The following VPS13B variants were observed in gnomAD, a reference collection of about 807,000 sequenced individuals.
VPS13B encodes vacuolar protein sorting 13 homolog B.
Under a neutral mutation model 426.4 loss-of-function variants are expected in VPS13B, and 285 were observed. The observed-to-expected ratio is 0.67, with a 90% confidence interval of 0.61 to 0.74. The LOEUF is 0.74. Ranked by LOEUF, VPS13B falls within the 30% of genes least tolerant of loss-of-function variation. The pLI is 0.00. For missense variants in VPS13B, 4,537 were observed against 4,782.6 expected, an observed-to-expected ratio of 0.95 and a Z score of 1.51; for synonymous variants, 1,676 against 1,676.4, an observed-to-expected ratio of 1.00 and a Z score of 0.01.
rs370235149 is a variant in VPS13B, at chr8:99,832,341, A to AT, written c.9331-3dup. 93,174 of 1,165,152 alleles carry AT rather than the reference A, an allele frequency of 0.08. 350 individuals are homozygous for AT. The highest frequency in any genetic ancestry group is 0.085 in the Non-Finnish European group (77,079 of 909,310). 72.2% of individuals were successfully genotyped at this position (1,165,152 alleles called of 1,614,324 possible). A position where few individuals can be genotyped will look rare whatever the true frequency, so the allele number is the denominator to read the frequency against. ...TTACTGTAGCTAATGTGCTCTCTGC[A>AT]TTTTTTTTTTTTTTTTTTTTTTTTT... On this transcript the variant is annotated intron_variant, in intron 51 of 61. Coordinates refer to ENST00000357162, the MANE Select transcript of VPS13B (RefSeq NM_152564.5).
intron 16 of VPS13B, among the ~76,000 whole-genome samples, chr8:99,182,115 A>G (rs1342214476): frequency 6.6e-6 from 1 of 152,208 alleles, no homozygotes; most frequent in East Asian, 1.9e-4. Context: ...CCAAACTGAA[A>G]TAACCCTGGA....
At position 99,111,081 on chromosome 8, in the gene VPS13B, T is replaced by G. The variant is rs199785370; in HGVS notation, c.581-17T>G. 1.7e-5 allele frequency: 27 copies of G among 1,583,950 alleles called. No individual in the cohort carries two copies. The highest frequency in any genetic ancestry group is 2.3e-5 in the South Asian group (2 of 85,354). The stretch of plus-strand genomic sequence containing the variant: ...CTAATTTTCCTTTTTACTTAAAATG[T>G]TTTTTTTTCTTTTTAGCAACTGATT... On this transcript the variant is annotated splice_polypyrimidine_tract_variant and intron_variant, in intron 5 of 61. Coordinates refer to ENST00000357162, the MANE Select transcript of VPS13B (RefSeq NM_152564.5).
chr8:99,619,819 G>A (rs1828272971), intron 33 of VPS13B, among the ~76,000 whole-genome samples: 1 of 151,746 alleles, frequency 6.6e-6, no homozygotes, highest in East Asian at 1.9e-4. Context: ...TGTATGCAGT[G>A]TGCTGAGATT....
Position 99,166,679 on chromosome 8 carries a change from A to G in VPS13B, c.2209-3360A>G, listed in dbSNP as rs115405719. On this transcript the variant is annotated intron_variant, in intron 15 of 61. Coordinates refer to ENST00000357162, the MANE Select transcript of VPS13B (RefSeq NM_152564.5). ...CATTTTCAGTGCAGACTCTATTACA[A>G]TTCCAATGTCTTTTTTCAGAAGTAG... 1.5e-3 allele frequency among the ~76,000 whole-genome samples: 225 copies of G among 152,290 alleles called. 1 individual carries two copies. Among genetic ancestry groups the G allele is most frequent in the African/African-American group, 5.1e-3 (214 of 41,554 alleles).
chr8:99,415,758 A>G (rs1462756682), intron 21 of VPS13B, among the ~76,000 whole-genome samples: 3 of 152,190 alleles, frequency 2.0e-5, no homozygotes, highest in Non-Finnish European at 4.4e-5. Flanking sequence ...CAGAACAGCA[A>G]AGATTGCTGC....
intron 30 of VPS13B, among the ~76,000 whole-genome samples, chr8:99,522,477 C>A (rs6468691): frequency 0.17 from 26,493 of 151,768 alleles, 2,827 homozygotes; most frequent in East Asian, 0.38. Context: ...TTAGGGTTTC[C>A]TTCTGTCTGT....
rs181276677 is a variant in VPS13B, at chr8:99,744,883, A to G, written c.7051-21891A>G. 3.7e-3 allele frequency among the ~76,000 whole-genome samples: 568 copies of G among 152,252 alleles called. 4 individuals are homozygous for G. Among genetic ancestry groups the G allele is most frequent in the Non-Finnish European group, 5.7e-3 (387 of 68,010 alleles). On this transcript the variant is annotated intron_variant, in intron 39 of 61. Transcript: ENST00000357162. ...ACACCCAATGTTAAATGACGAGTTA[A>G]TGGGTGCAGCACACCAACATGGCAC...
chr8:99,063,453 G>C (rs917061250), intron 3 of VPS13B, among the ~76,000 whole-genome samples: 1 of 152,228 alleles, frequency 6.6e-6, no homozygotes. Flanking sequence ...CATGCCCACA[G>C]AGCCTTGCTC....
chr8:99,718,540 C>A (rs1019146067), intron 37 of VPS13B, among the ~76,000 whole-genome samples: 5 of 152,116 alleles, frequency 3.3e-5, no homozygotes, highest in African/African-American at 1.2e-4. Context: ...TTAATTTAAT[C>A]TTCATGTAAC....
Position 99,119,221 on chromosome 8 carries a change from A to G in VPS13B, c.938-1956A>G, listed in dbSNP as rs1213206356. ...ATTTAAAGCTTTTTTGTGTCTTTTA[A>G]AAATTTTATTTTACTTTATGTATTT... is the stretch of plus-strand genomic sequence containing the variant. On this transcript the variant is annotated intron_variant, in intron 7 of 61. Transcript: ENST00000357162. 2.0e-5 allele frequency: 3 copies of G among 152,014 alleles called. No homozygotes were observed. The South Asian group carries it at 6.2e-4, about 31-fold the overall frequency. The allele number at this position is 152,014 out of a possible 1,614,324, so 9.4% of individuals were successfully genotyped here.
chr8:99,509,920 A>T (rs908039846), intron 28 of VPS13B, among the ~76,000 whole-genome samples: 1 of 152,168 alleles, frequency 6.6e-6, no homozygotes, highest in Non-Finnish European at 1.5e-5. Context: ...CTCTTTTAAA[A>T]GCATGCTGTT....
intron 35 of VPS13B, among the ~76,000 whole-genome samples, chr8:99,678,570 T>C (rs1412016617): frequency 1.1e-5 from 1 of 91,072 alleles, no homozygotes; most frequent in African/African-American, 3.6e-5. Flanking sequence ...TCTGATTCTG[T>C]TTTTTTTTTT....
At position 99,762,389 on chromosome 8, in the gene VPS13B, G is replaced by A. The variant is rs539363397; in HGVS notation, c.7051-4385G>A. Among the ~76,000 whole-genome samples the A allele has an allele frequency of 1.9e-4, 29 of 152,146 alleles. No individual in the cohort carries two copies. In the East Asian group the frequency reaches 4.6e-3, roughly 24 times the overall value. ...CTCCAGTTACCATATCTCTTCCACC[G>A]CTGGTTGTTATGAGTGTCTTAAACC... is the stretch of plus-strand genomic sequence containing the variant. On this transcript the variant is annotated intron_variant, in intron 39 of 61. Transcript: ENST00000357162.
At chr8:99,126,356 A>T (rs536031056) in intron 8 of VPS13B, among the ~76,000 whole-genome samples, 50 of 152,318 alleles carry the variant, frequency 3.3e-4, no homozygotes, top group Middle Eastern at 3.4e-3. Flanking sequence ...ATGTATGTTC[A>T]CTAGGGACAC....
At chr8:99,234,166 C>T in intron 17 of VPS13B, 1 of 780,586 alleles carries the variant, frequency 1.3e-6, no homozygotes, top group Non-Finnish European at 2.4e-6. Context: ...CTCACCTCTT[C>T]ATCCAGGATG....
chr8:99,165,884 A>C (rs1223648616), intron 15 of VPS13B, among the ~76,000 whole-genome samples: 7 of 152,254 alleles, frequency 4.6e-5, no homozygotes, highest in African/African-American at 1.7e-4. Context: ...CTTAAATAAC[A>C]AGAGAGAGAA....
At chr8:99,516,109 C>G (rs1046222511) in intron 29 of VPS13B, among the ~76,000 whole-genome samples, 1 of 152,034 alleles carries the variant, frequency 6.6e-6, no homozygotes, top group African/African-American at 2.4e-5. Flanking sequence ...AAAATGCATG[C>G]CAAAGTTTCA....
At chr8:99,133,232 A>T (rs1809896124) in intron 8 of VPS13B, among the ~76,000 whole-genome samples, 1 of 152,152 alleles carries the variant, frequency 6.6e-6, no homozygotes, top group Non-Finnish European at 1.5e-5. Context: ...TGGTATGGAG[A>T]CGTCTTCGTT....
At chr8:99,039,968 T>C (rs1030608491) in intron 3 of VPS13B, among the ~76,000 whole-genome samples, 1 of 152,168 alleles carries the variant, frequency 6.6e-6, no homozygotes, top group African/African-American at 2.4e-5. Context: ...AGTTTTACTT[T>C]CCATTTATAG....
Sources: allele counts gnomAD v4.1 joint callset (sites outside exome capture counted in the v4.1 genomes callset), GRCh38; gene constraint gnomAD v4.1.1; transcripts MANE v1.5; gene names NCBI Gene and HGNC (gene_info 2026-07-23, HGNC 2026-07-21).